Variants in CTNND2 observed in about 807,000 individuals in gnomAD.
The protein encoded by CTNND2 is catenin delta-2.
In CTNND2, 22 loss-of-function variants were observed where a neutral mutation model predicts 144.4. The observed-to-expected ratio is 0.15, with a 90% CI of 0.11 to 0.22. CTNND2 has a LOEUF of 0.22. CTNND2 is among the 10% of genes least tolerant of loss of function. The pLI, the probability that CTNND2 is intolerant of heterozygous loss-of-function variation, is 1.00. For synonymous variants in CTNND2, 751 were observed against 695.6 expected (o/e 1.08, Z -1.25); for missense variants, 1,353 against 1,618.8 (o/e 0.84, Z 2.82).
chr5:11,455,908 A>G (rs989404423), intron 3 of CTNND2, among the ~76,000 whole-genome samples: 7 of 152,200 alleles, frequency 4.6e-5, no homozygotes, highest in African/African-American at 1.4e-4. Context: ...ATGCTGTTAG[A>G]TTCTGTCAGC....
At chr5:11,306,906 C>G (rs72730980) in intron 9 of CTNND2, among the ~76,000 whole-genome samples, 3 of 152,124 alleles carry the variant, frequency 2.0e-5, no homozygotes, top group Admixed American at 2.0e-4. Context: ...CACCTCTGCT[C>G]GCACTGTGCT....
intron 3 of CTNND2, among the ~76,000 whole-genome samples, chr5:11,501,836 G>C (rs554249180): frequency 6.8e-6 from 1 of 147,012 alleles, no homozygotes; most frequent in African/African-American, 2.7e-5. Context: ...GTGAAATCCC[G>C]GCTAACATGG....
At chr5:11,161,569 C>T (rs138902547) in intron 11 of CTNND2, among the ~76,000 whole-genome samples, 2 of 152,232 alleles carry the variant, frequency 1.3e-5, no homozygotes, top group African/African-American at 4.8e-5. Context: ...CATTTCCAGC[C>T]TCACAAAAAT....
intron 2 of CTNND2, among the ~76,000 whole-genome samples, chr5:11,602,648 AAATATATATATTATATAT>A (rs1489968592): frequency 1.4e-5 from 2 of 147,006 alleles, no homozygotes; most frequent in African/African-American, 4.9e-5. Context: ...GATATATGTA[AAATATATATATTATATAT>A]AATATATATT....
intron 9 of CTNND2, among the ~76,000 whole-genome samples, chr5:11,252,418 T>C (rs919140645): frequency 3.3e-5 from 5 of 152,162 alleles, no homozygotes; most frequent in Non-Finnish European, 5.9e-5. Flanking sequence ...CAACTACAGA[T>C]TCAATAATCA....
chr5:11,595,250 G>C (rs533202245), intron 2 of CTNND2, among the ~76,000 whole-genome samples: 1 of 152,228 alleles, frequency 6.6e-6, no homozygotes, highest in Non-Finnish European at 1.5e-5. Flanking sequence ...TTGCCTAGGG[G>C]CCTTGTAGTG....
intron 9 of CTNND2, among the ~76,000 whole-genome samples, chr5:11,240,408 C>A (rs1561075384): frequency 1.7e-5 from 2 of 119,404 alleles, no homozygotes; most frequent in African/African-American, 6.5e-5. Flanking sequence ...CACACACACC[C>A]ACAACACACA....
chr5:11,238,606 C>T (rs933335094), intron 9 of CTNND2, among the ~76,000 whole-genome samples: 9 of 152,158 alleles, frequency 5.9e-5, no homozygotes, highest in African/African-American at 1.7e-4. Flanking sequence ...GAAATGGCTT[C>T]GTTTTTATTG....
chr5:11,205,356 G>A (rs1159467992), intron 10 of CTNND2, among the ~76,000 whole-genome samples: 1 of 152,074 alleles, frequency 6.6e-6, no homozygotes, highest in African/African-American at 2.4e-5. Context: ...AAGAAGATAA[G>A]GGAATGCGGT....
At chr5:11,864,375 T>C (rs1436980635) in intron 1 of CTNND2, among the ~76,000 whole-genome samples, 4 of 152,232 alleles carry the variant, frequency 2.6e-5, no homozygotes, top group Admixed American at 6.5e-5. Context: ...AGATGCGAAA[T>C]GTGACATTTT....
At chr5:11,434,890 T>C (rs1476053166) in intron 3 of CTNND2, among the ~76,000 whole-genome samples, 1 of 152,072 alleles carries the variant, frequency 6.6e-6, no homozygotes, top group African/African-American at 2.4e-5. Flanking sequence ...GTAAATAGAT[T>C]ATGTAATCAA....
chr5:10,994,470 G>T (rs573478754), intron 18 of CTNND2, among the ~76,000 whole-genome samples: 6 of 125,218 alleles, frequency 4.8e-5, no homozygotes, highest in Non-Finnish European at 1.7e-5. Context: ...AAGGAGGAAG[G>T]GGGGCGGGGA....
intron 1 of CTNND2, among the ~76,000 whole-genome samples, chr5:11,749,646 A>G (rs1302652784): frequency 6.6e-6 from 1 of 152,040 alleles, no homozygotes; most frequent in Non-Finnish European, 1.5e-5. Context: ...AAAGATTTCT[A>G]AAGATGTTCA....
chr5:11,613,783 A>G (rs1167077263), intron 2 of CTNND2, among the ~76,000 whole-genome samples: 6 of 152,104 alleles, frequency 3.9e-5, no homozygotes, highest in Non-Finnish European at 8.8e-5. Flanking sequence ...TTAGGCCTTA[A>G]TCTGTGTTTC....
intron 20 of CTNND2, among the ~76,000 whole-genome samples, chr5:10,987,154 G>A (rs1390454968): frequency 2.0e-5 from 3 of 152,198 alleles, no homozygotes; most frequent in South Asian, 4.1e-4. Flanking sequence ...TCAGGGCTCC[G>A]GCAGCTTTGC....
chr5:10,995,230 C>G (rs573438026), intron 18 of CTNND2, among the ~76,000 whole-genome samples: 1 of 152,294 alleles, frequency 6.6e-6, no homozygotes, highest in East Asian at 1.9e-4. Flanking sequence ...GAGGCTGAGT[C>G]AGCCTGAGGA....
At chr5:11,530,382 C>T (rs917202473) in intron 3 of CTNND2, among the ~76,000 whole-genome samples, 1 of 152,156 alleles carries the variant, frequency 6.6e-6, no homozygotes, top group African/African-American at 2.4e-5. Context: ...GTATTCGTTA[C>T]CCAGCAAATG....
At chr5:11,711,522 T>C (rs944604266) in intron 2 of CTNND2, among the ~76,000 whole-genome samples, 2 of 152,338 alleles carry the variant, frequency 1.3e-5, no homozygotes, top group African/African-American at 2.4e-5. Flanking sequence ...CTTATGTTAA[T>C]GGCACATAAA....
intron 16 of CTNND2, 125 bp downstream of exon 16, chr5:11,082,571 A>G: frequency 9.2e-7 from 1 of 1,090,718 alleles, no homozygotes; most frequent in Non-Finnish European, 1.3e-6. Flanking sequence ...AGAAAAAATG[A>G]GGCTGCTAAT....
Sources: allele counts gnomAD v4.1 joint callset (sites outside exome capture counted in the v4.1 genomes callset), GRCh38; gene constraint gnomAD v4.1.1; transcripts MANE v1.5; gene names NCBI Gene and HGNC (gene_info 2026-07-23, HGNC 2026-07-21).